STX8: variants seen among roughly 807,000 people sequenced by gnomAD.
STX8 encodes syntaxin 8, also known as syntaxin-8.
In STX8, 23 loss-of-function variants were observed where a neutral mutation model predicts 37.5. That is an observed-to-expected ratio of 0.61 (90% CI 0.44 to 0.87). STX8 has a LOEUF of 0.87. STX8 is among the 40% of genes least tolerant of loss of function. The pLI is 0.00. For synonymous variants in STX8, 115 were observed against 99.1 expected (o/e 1.16, Z -0.95); for missense variants, 313 against 284.7 (o/e 1.10, Z -0.71).
At chr17:9,494,490 G>C (rs1261038210) in intron 5 of STX8, among the ~76,000 whole-genome samples, 1 of 151,360 alleles carries the variant, frequency 6.6e-6, no homozygotes, top group South Asian at 2.1e-4. Flanking sequence ...GGGTGTGGTG[G>C]CGCATGCCTA....
chr17:9,340,783 G>C (rs1447005895), intron 7 of STX8, among the ~76,000 whole-genome samples: 1 of 149,874 alleles, frequency 6.7e-6, no homozygotes, highest in East Asian at 2.0e-4. Context: ...TCAGCGTCCT[G>C]AGTAGCTGGG....
chr17:9,257,358 T>A (rs992369437), intron 7 of STX8, among the ~76,000 whole-genome samples: 1 of 152,208 alleles, frequency 6.6e-6, no homozygotes, highest in Non-Finnish European at 1.5e-5. Context: ...CCATACTTTT[T>A]TCCAGTGAAA....
chr17:9,401,168 T>A (rs1248931760), intron 6 of STX8, among the ~76,000 whole-genome samples: 1 of 152,212 alleles, frequency 6.6e-6, no homozygotes, highest in Non-Finnish European at 1.5e-5. Flanking sequence ...CAAATTCTTA[T>A]AGTTAGAACA....
At chr17:9,557,361 T>G in intron 3 of STX8, 73 bp downstream of exon 3, 1 of 1,354,714 alleles carries the variant, frequency 7.4e-7, no homozygotes, top group Non-Finnish European at 1.0e-6. Context: ...GTGGCCCAGA[T>G]TCCTTCCTTT....
intron 7 of STX8, among the ~76,000 whole-genome samples, chr17:9,269,785 T>A (rs773703358): frequency 2.0e-5 from 3 of 152,176 alleles, no homozygotes; most frequent in Non-Finnish European, 4.4e-5. Flanking sequence ...CTCTCACACC[T>A]CTGTGCCTTG....
chr17:9,463,813 C>T (rs1253380162), intron 6 of STX8, among the ~76,000 whole-genome samples: 1 of 151,696 alleles, frequency 6.6e-6, no homozygotes, highest in Non-Finnish European at 1.5e-5. Flanking sequence ...GAGGCTGAGG[C>T]AGGAGAATTG....
At position 9,443,011 on chromosome 17, in the gene STX8, T is replaced by C. The variant is rs1057150020; in HGVS notation, c.541+48818A>G. 5.9e-5 allele frequency among the ~76,000 whole-genome samples: 9 copies of C among 152,348 alleles called. 1 individual carries two copies. Among genetic ancestry groups the C allele is most frequent in the Non-Finnish European group, 2.9e-5 (2 of 68,024 alleles). The stretch of plus-strand genomic sequence containing the variant: ...ATGAAATGTGGAGACATTCTGGTTA[T>C]AGATTGAACTAAGATAATCTCATAG... On this transcript the variant is annotated intron_variant, in intron 6 of 7. Transcript: ENST00000306357.
At chr17:9,274,180 GTCT>G (rs1006583535) in intron 7 of STX8, among the ~76,000 whole-genome samples, 2 of 152,050 alleles carry the variant, frequency 1.3e-5, no homozygotes, top group Non-Finnish European at 2.9e-5. Flanking sequence ...ACCTCACTTG[GTCT>G]TCTTAAGGTA....
chr17:9,348,659 T>C (rs977962707), intron 7 of STX8, among the ~76,000 whole-genome samples: 5 of 152,198 alleles, frequency 3.3e-5, no homozygotes, highest in Non-Finnish European at 7.3e-5. Flanking sequence ...ACACAGTCCC[T>C]GCACTCAGGA....
intron 4 of STX8, among the ~76,000 whole-genome samples, chr17:9,529,724 T>C (rs1383202247): frequency 2.0e-5 from 3 of 152,222 alleles, no homozygotes; most frequent in Admixed American, 6.5e-5. Flanking sequence ...CAGTTGTAGA[T>C]TGTTAATTCT....
rs376433024 is a variant in STX8, at chr17:9,346,700, C to T, written c.643+31852G>A. The stretch of plus-strand genomic sequence containing the variant: ...AGGAGGCCAGGAAGCAAAGAGACTC[C>T]CTAGAGCTTCTAACTTGCTGACTGG... On this transcript the variant is annotated intron_variant, in intron 7 of 7. Transcript: ENST00000306357. 3.0e-4 allele frequency among the ~76,000 whole-genome samples: 46 copies of T among 152,254 alleles called. No individual in the cohort carries two copies. In the East Asian group the frequency reaches 4.2e-3, roughly 14 times the overall value.
chr17:9,480,618 T>C (rs1007073721), intron 6 of STX8, among the ~76,000 whole-genome samples: 1 of 152,162 alleles, frequency 6.6e-6, no homozygotes, highest in Non-Finnish European at 1.5e-5. Flanking sequence ...GGGAGAAGGA[T>C]GACCTCATAA....
intron 7 of STX8, among the ~76,000 whole-genome samples, chr17:9,296,629 T>TA (rs56185238): frequency 0.017 from 2,428 of 140,314 alleles, 22 homozygotes; most frequent in African/African-American, 0.022. Flanking sequence ...GTTGAAAGAC[T>TA]AAAAAAAAAA....
chr17:9,544,774 C>T (rs375761086), intron 4 of STX8, among the ~76,000 whole-genome samples: 2 of 152,196 alleles, frequency 1.3e-5, no homozygotes, highest in Non-Finnish European at 2.9e-5. Flanking sequence ...GGGCGGATCA[C>T]GAGGTCAGGA....
At chr17:9,486,159 C>T (rs1241677316) in intron 6 of STX8, among the ~76,000 whole-genome samples, 4 of 152,170 alleles carry the variant, frequency 2.6e-5, no homozygotes, top group African/African-American at 9.6e-5. Context: ...ACTCCAGTGG[C>T]AATGGGTACA....
At chr17:9,337,344 ATCC>A (rs1910171356) in intron 7 of STX8, among the ~76,000 whole-genome samples, 1 of 152,098 alleles carries the variant, frequency 6.6e-6, no homozygotes, top group Non-Finnish European at 1.5e-5. Flanking sequence ...ACTCCTCAAA[ATCC>A]TAGGGACCAC....
intron 7 of STX8, among the ~76,000 whole-genome samples, chr17:9,251,903 C>A (rs11870960): frequency 6.6e-6 from 1 of 152,194 alleles, no homozygotes; most frequent in Non-Finnish European, 1.5e-5. Context: ...GTGGCTCACA[C>A]CTGTAATCCC....
At chr17:9,351,553 T>C (rs1279684714) in intron 7 of STX8, among the ~76,000 whole-genome samples, 1 of 152,192 alleles carries the variant, frequency 6.6e-6, no homozygotes, top group African/African-American at 2.4e-5. Context: ...TTAACACTGA[T>C]ACAACATTAT....
intron 7 of STX8, among the ~76,000 whole-genome samples, chr17:9,254,302 T>G (rs1424834805): frequency 6.6e-6 from 1 of 152,156 alleles, no homozygotes; most frequent in African/African-American, 2.4e-5. Context: ...GTGGTCTAGT[T>G]AATCCCTCAA....
Sources: gnomAD v4.1 joint callset for allele counts (sites outside exome capture counted in the v4.1 genomes callset) on GRCh38, gnomAD v4.1.1 for gene constraint, MANE v1.5 for transcripts, NCBI Gene and HGNC (gene_info 2026-07-23, HGNC 2026-07-21) for gene names.